The following ATP9B variants were observed in gnomAD, a reference collection of about 807,000 sequenced individuals.
The protein encoded by ATP9B is probable phospholipid-transporting ATPase IIB.
In ATP9B, 110 loss-of-function variants were observed where a neutral mutation model predicts 146.1. The ratio of observed to expected loss-of-function variants is 0.75; its 90% CI spans 0.65 to 0.88. The LOEUF is 0.88. Among genes scored for constraint, ATP9B ranks in the 40% least tolerant of loss-of-function variants. The pLI is 0.00. For missense variants in ATP9B, 1,499 were observed against 1,496.4 expected, an observed-to-expected ratio of 1.00 and a Z score of -0.03; for synonymous variants, 604 against 569.7, an observed-to-expected ratio of 1.06 and a Z score of -0.86.
intron 4 of ATP9B, chr18:79,117,197 A>G (rs556592678): frequency 7.9e-5 from 12 of 152,188 alleles, no homozygotes; most frequent in Non-Finnish European, 1.6e-4. Flanking sequence ...CTTTTGATCA[A>G]TCAATATTGA....
chr18:79,235,126 G>A (rs548979136), intron 11 of ATP9B, among the ~76,000 whole-genome samples: 27 of 152,306 alleles, frequency 1.8e-4, no homozygotes, highest in South Asian at 2.1e-4. Flanking sequence ...GCCCACCTCA[G>A]CTTCCCAAAG....
chr18:79,076,689 G>T (rs2072661625), intron 1 of ATP9B, among the ~76,000 whole-genome samples: 1 of 152,052 alleles, frequency 6.6e-6, no homozygotes, highest in Admixed American at 6.5e-5. Context: ...CTATAAGTTT[G>T]TGTCTTTTGT....
rs140291894 is a variant in ATP9B, at chr18:79,176,828, G to A, written c.794G>A (p.Arg265Gln). The A allele has an allele frequency of 9.3e-6, 15 of 1,613,700 alleles. No individual in the cohort carries two copies. In the African/African-American group the frequency reaches 9.4e-5, roughly 10 times the overall value. Residue 265 changes from arginine (R) to glutamine (Q), a missense_variant, in exon 8 of 30, where the codon CGA becomes CAA. Transcript: ENST00000426216. Reference sequence around the variant, plus strand: ...TACTTCCAAGGTTCGTGTTTTATTCGAACTGATCAACTAGATGGTGAAACT... The same window carrying A: ...TACTTCCAAGGTTCGTGTTTTATTCAAACTGATCAACTAGATGGTGAAACT... ...TSEKAGSCFI[R>Q]TDQLDGETDW...
chr18:79,071,672 C>G (rs889501784), intron 1 of ATP9B, among the ~76,000 whole-genome samples: 6 of 151,952 alleles, frequency 3.9e-5, no homozygotes, highest in African/African-American at 1.4e-4. Context: ...TGCTAGCCTG[C>G]CATTCTTTTC....
rs115672471 is a variant in ATP9B, at chr18:79,167,008, C to T, written c.779-9805C>T. Among the ~76,000 whole-genome samples, 727 of 152,266 alleles carry T rather than the reference C, an allele frequency of 4.8e-3. 5 individuals are homozygous for T. Among genetic ancestry groups the T allele is most frequent in the South Asian group, 0.024 (116 of 4,820 alleles). On this transcript the variant is annotated intron_variant, in intron 7 of 29. Transcript: ENST00000426216. ...TGTGTGAGGCTGTGGCCAAATCAGGCGTTCCATAAGCGACTTCCACTGTGG... is the reference window on the plus strand; with the variant it reads ...TGTGTGAGGCTGTGGCCAAATCAGGTGTTCCATAAGCGACTTCCACTGTGG...
intron 2 of ATP9B, among the ~76,000 whole-genome samples, chr18:79,105,034 T>C (rs2075561855): frequency 6.6e-6 from 1 of 152,228 alleles, no homozygotes; most frequent in South Asian, 2.1e-4. Flanking sequence ...AATCAGTCTA[T>C]ATTGGCACTA....
chr18:79,181,974 T>C (rs1229011959), intron 8 of ATP9B, among the ~76,000 whole-genome samples: 1 of 152,222 alleles, frequency 6.6e-6, no homozygotes, highest in East Asian at 1.9e-4. Flanking sequence ...TATTGTATGC[T>C]GAGTATATAA....
chr18:79,287,403 C>T (rs1334328313), intron 13 of ATP9B, among the ~76,000 whole-genome samples: 7 of 152,114 alleles, frequency 4.6e-5, no homozygotes, highest in Non-Finnish European at 7.4e-5. Flanking sequence ...AGTTTATTTG[C>T]GTAGAGGTGT....
At position 79,076,867 on chromosome 18, in the gene ATP9B, T is replaced by A. The variant is rs181424668; in HGVS notation, c.119+7338T>A. 1.3e-3 allele frequency among the ~76,000 whole-genome samples: 205 copies of A among 152,140 alleles called. 1 individual carries two copies. The highest frequency in any genetic ancestry group is 4.6e-3 in the African/African-American group (192 of 41,428). On this transcript the variant is annotated intron_variant, in intron 1 of 29. Coordinates refer to ENST00000426216, the MANE Select transcript of ATP9B (RefSeq NM_198531.5). ...TCCTGTTCATATTGGGCAGTTTCTG[T>A]TATTTTCTCTTAAAGTTCACTGATT...
chr18:79,110,197 C>T (rs1048205157), intron 2 of ATP9B, among the ~76,000 whole-genome samples, 158 bp from the exon 3 acceptor site: 1 of 152,012 alleles, frequency 6.6e-6, no homozygotes, highest in African/African-American at 2.4e-5. Flanking sequence ...GTGTAACCAA[C>T]CTATTATAAG....
At chr18:79,153,387 T>G (rs1206828470) in intron 6 of ATP9B, among the ~76,000 whole-genome samples, 1 of 152,236 alleles carries the variant, frequency 6.6e-6, no homozygotes, top group East Asian at 1.9e-4. Context: ...TTCTGTGTCA[T>G]GAAAGAATAT....
chr18:79,261,549 A>C (rs2096141839), intron 12 of ATP9B, among the ~76,000 whole-genome samples: 1 of 151,692 alleles, frequency 6.6e-6, no homozygotes, highest in African/African-American at 2.4e-5. Context: ...CACCCTCCAC[A>C]CCCCACCACC....
In ATP9B at chr18:79,187,281, G is replaced by A. The variant is rs1415356601; in HGVS notation, c.874-5902G>A. 3.1e-4 allele frequency among the ~76,000 whole-genome samples: 47 copies of A among 152,202 alleles called. 1 individual carries two copies. Among genetic ancestry groups the A allele is most frequent in the Admixed American group, 3.1e-3 (47 of 15,280 alleles). On this transcript the variant is annotated intron_variant, in intron 8 of 29. Coordinates refer to ENST00000426216, the MANE Select transcript of ATP9B (RefSeq NM_198531.5). ...ATCAAAACAGATTTTCACCCTCACA[G>A]TAGCCCAGGTGGGTGGTCAAAGGGT...
At chr18:79,348,078 C>T in intron 24 of ATP9B, 54 bp from the exon 25 acceptor site, 1 of 1,608,070 alleles carries the variant, frequency 6.2e-7, no homozygotes, top group Non-Finnish European at 8.5e-7. Flanking sequence ...AGGCTTGGGG[C>T]CACAGGTGCT....
intron 5 of ATP9B, among the ~76,000 whole-genome samples, chr18:79,133,875 G>A (rs942306657): frequency 2.0e-5 from 3 of 152,174 alleles, no homozygotes; most frequent in Non-Finnish European, 4.4e-5. Flanking sequence ...CTTTACTGGC[G>A]GCCCTGCAGC....
At chr18:79,107,732 A>G (rs1050518656) in intron 2 of ATP9B, among the ~76,000 whole-genome samples, 4 of 152,164 alleles carry the variant, frequency 2.6e-5, no homozygotes, top group Non-Finnish European at 5.9e-5. Flanking sequence ...CATCTCTTGA[A>G]TGGCTGTGGT....
At chr18:79,224,710 C>G (rs1408118479) in intron 11 of ATP9B, among the ~76,000 whole-genome samples, 3 of 152,240 alleles carry the variant, frequency 2.0e-5, no homozygotes, top group East Asian at 1.9e-4. Flanking sequence ...GAACAAGGCT[C>G]TCTGCTGAGC....
At chr18:79,185,555 G>A (rs554208378) in intron 8 of ATP9B, among the ~76,000 whole-genome samples, 2 of 152,138 alleles carry the variant, frequency 1.3e-5, no homozygotes, top group Non-Finnish European at 2.9e-5. Flanking sequence ...CCAAAAAGCA[G>A]TATATCCTAG....
Position 79,377,496 on chromosome 18 carries a change from A to G in ATP9B, c.*113A>G, listed in dbSNP as rs2097108888. The G allele has an allele frequency of 1.4e-6, 2 of 1,385,136 alleles. No homozygotes were observed. The highest frequency in any genetic ancestry group is 1.3e-5 in the South Asian group (1 of 76,956). 85.8% of individuals were successfully genotyped at this position (1,385,136 alleles called of 1,614,324 possible). ...ATTGCTACCAAGCAAGCACCACAAG[A>G]AAGGGAGGGTACGCCAGGCGAGCCC... On this transcript the variant is annotated 3_prime_UTR_variant, in exon 30 of 30. Transcript: ENST00000426216.
Sources: gnomAD v4.1 joint callset for allele counts (sites outside exome capture counted in the v4.1 genomes callset) on GRCh38, gnomAD v4.1.1 for gene constraint, MANE v1.5 for transcripts, NCBI Gene and HGNC (gene_info 2026-07-23, HGNC 2026-07-21) for gene names.